TMEM163: variants seen among roughly 807,000 people sequenced by gnomAD.
TMEM163 encodes the protein transmembrane protein 163.
TMEM163 carries 17 observed loss-of-function variants against 29.3 expected under a neutral mutation model. The observed-to-expected ratio is 0.58, with a 90% confidence interval of 0.40 to 0.87. The LOEUF (loss-of-function observed/expected upper bound fraction) is 0.87. Ranked by LOEUF, TMEM163 falls within the 40% of genes least tolerant of loss-of-function variation. TMEM163 has a pLI of 0.00. For missense variants in TMEM163, 303 were observed against 381.5 expected (o/e 0.79, Z 1.71); for synonymous variants, 157 against 160.6 (o/e 0.98, Z 0.17).
At chr2:134,674,340 A>ATT (rs72052495) in intron 2 of TMEM163, among the ~76,000 whole-genome samples, 2,379 of 106,510 alleles carry the variant, frequency 0.022, 110 homozygotes, top group African/African-American at 0.055. Flanking sequence ...AGAGTCATTA[A>ATT]TTTTTTTTTT....
intron 2 of TMEM163, among the ~76,000 whole-genome samples, chr2:134,623,597 A>T (rs1682785499): frequency 1.3e-5 from 2 of 152,080 alleles, no homozygotes; most frequent in African/African-American, 4.8e-5. Flanking sequence ...GAGAAACTCC[A>T]TCTCTATTAA....
intron 2 of TMEM163, among the ~76,000 whole-genome samples, chr2:134,629,765 C>T (rs1023302681): frequency 2.6e-5 from 4 of 152,180 alleles, no homozygotes; most frequent in African/African-American, 9.7e-5. Context: ...ACAGGTTTCA[C>T]ATAAGAGTAT....
chr2:134,508,648 T>C (rs1195524675), intron 4 of TMEM163, among the ~76,000 whole-genome samples: 1 of 152,090 alleles, frequency 6.6e-6, no homozygotes, highest in East Asian at 1.9e-4. Flanking sequence ...ACTCCACCCC[T>C]CCCTCAATCC....
At chr2:134,489,024 T>C (rs1679372744) in intron 5 of TMEM163, among the ~76,000 whole-genome samples, 1 of 152,090 alleles carries the variant, frequency 6.6e-6, no homozygotes, top group Non-Finnish European at 1.5e-5. Context: ...GAAGGGCACT[T>C]GGGAAGATCT....
At chr2:134,674,168 G>C (rs992398777) in intron 2 of TMEM163, among the ~76,000 whole-genome samples, 1 of 151,992 alleles carries the variant, frequency 6.6e-6, no homozygotes, top group African/African-American at 2.4e-5. Context: ...CCATATCTGA[G>C]AGTATACTTT....
intron 2 of TMEM163, among the ~76,000 whole-genome samples, chr2:134,599,729 C>T (rs769317872): frequency 1.4e-5 from 2 of 141,732 alleles, no homozygotes; most frequent in Non-Finnish European, 3.0e-5. Flanking sequence ...GACAGGATTT[C>T]GCCATGTTGC....
intron 2 of TMEM163, among the ~76,000 whole-genome samples, chr2:134,569,186 A>T (rs1365077713): frequency 6.6e-6 from 1 of 152,222 alleles, no homozygotes; most frequent in Non-Finnish European, 1.5e-5. Context: ...TGATCCAATG[A>T]CAATAATTCT....
intron 2 of TMEM163, among the ~76,000 whole-genome samples, chr2:134,674,692 T>C (rs937536941): frequency 6.6e-6 from 1 of 151,462 alleles, no homozygotes; most frequent in African/African-American, 2.4e-5. Flanking sequence ...ACCTGACAAA[T>C]AGAGCCAAAG....
chr2:134,516,760 T>A (rs956134417), intron 4 of TMEM163, among the ~76,000 whole-genome samples: 1 of 148,126 alleles, frequency 6.8e-6, no homozygotes, highest in African/African-American at 2.5e-5. Context: ...TATGAATAGA[T>A]ATATATGTGC....
intron 2 of TMEM163, among the ~76,000 whole-genome samples, chr2:134,626,094 C>CTTTTTTT (rs146008537): frequency 1.5e-5 from 1 of 66,262 alleles, no homozygotes; most frequent in Non-Finnish European, 2.9e-5. Context: ...ACTTTTCCAG[C>CTTTTTTT]TTTTTTTTTT....
chr2:134,517,211 C>T (rs1328331697), intron 4 of TMEM163, among the ~76,000 whole-genome samples: 1 of 152,174 alleles, frequency 6.6e-6, no homozygotes, highest in East Asian at 1.9e-4. Context: ...CATGAATTCC[C>T]TGAGGCAAAC....
rs368993749 is a variant in TMEM163 at position 134,667,330 on chromosome 2, C to T, written c.322+45870G>A. On this transcript the variant is annotated intron_variant, in intron 2 of 7. Transcript: ENST00000281924. ...AAATGGCCATGAGATGAAGTTCTAG[C>T]CAATGGGATCTGAGTGCAAACTGTG... Among the ~76,000 whole-genome samples, 14 of 152,204 alleles carry T rather than the reference C, an allele frequency of 9.2e-5. No homozygotes were observed. The East Asian group carries it at 2.1e-3, about 23-fold the overall frequency.
intron 5 of TMEM163, among the ~76,000 whole-genome samples, chr2:134,490,507 T>A (rs1679406229): frequency 6.6e-6 from 1 of 152,222 alleles, no homozygotes; most frequent in African/African-American, 2.4e-5. Flanking sequence ...GAAAAGATCC[T>A]GTGTTTAGCT....
chr2:134,664,814 C>T (rs769060738), intron 2 of TMEM163, among the ~76,000 whole-genome samples: 6 of 152,118 alleles, frequency 3.9e-5, no homozygotes, highest in Admixed American at 6.5e-5. Flanking sequence ...CTGTGAGACT[C>T]GGCTCAGACT....
intron 2 of TMEM163, among the ~76,000 whole-genome samples, chr2:134,686,656 C>A (rs10928511): frequency 0.044 from 6,703 of 152,158 alleles, 223 homozygotes; most frequent in Admixed American, 0.085. Flanking sequence ...ATTATAAATA[C>A]ATTTGATACA....
At chr2:134,624,646 C>A (rs183490763) in intron 2 of TMEM163, among the ~76,000 whole-genome samples, 1 of 152,134 alleles carries the variant, frequency 6.6e-6, no homozygotes, top group African/African-American at 2.4e-5. Flanking sequence ...GAGTGGCTCA[C>A]GCCTGTAATC....
chr2:134,619,584 A>G (rs768596779), intron 2 of TMEM163, among the ~76,000 whole-genome samples: 1 of 152,204 alleles, frequency 6.6e-6, no homozygotes. Flanking sequence ...CTTTGTAAAG[A>G]GCATCTATGA....
intron 5 of TMEM163, among the ~76,000 whole-genome samples, chr2:134,473,100 T>C (rs1686838990): frequency 6.6e-6 from 1 of 152,122 alleles, no homozygotes; most frequent in Non-Finnish European, 1.5e-5. Flanking sequence ...AAGAGGAAAA[T>C]TTATAGTAAA....
chr2:134,515,107 T>C (rs927031143), intron 4 of TMEM163, among the ~76,000 whole-genome samples: 4 of 152,246 alleles, frequency 2.6e-5, no homozygotes, highest in African/African-American at 4.8e-5. Flanking sequence ...AGCAACGCGA[T>C]ACTTGGAACC....
Sources: gnomAD v4.1 joint callset for allele counts (sites outside exome capture counted in the v4.1 genomes callset) on GRCh38, gnomAD v4.1.1 for gene constraint, MANE v1.5 for transcripts, NCBI Gene and HGNC (gene_info 2026-07-23, HGNC 2026-07-21) for gene names.